Variants in WDR70 observed in about 807,000 individuals in gnomAD.
WDR70 encodes the protein WD repeat-containing protein 70.
WDR70 carries 53 observed loss-of-function variants against 88.6 expected under a neutral mutation model. The ratio of observed to expected loss-of-function variants is 0.60; its 90% CI spans 0.48 to 0.75. The LOEUF (loss-of-function observed/expected upper bound fraction) is 0.75. Ranked by LOEUF, WDR70 falls within the 30% of genes least tolerant of loss-of-function variation. The pLI is 0.00. For missense variants in WDR70, 610 were observed against 823.2 expected (o/e 0.74, Z 3.17); for synonymous variants, 280 against 270.0 (o/e 1.04, Z -0.36).
chr5:37,614,091 C>T (rs574610363), intron 10 of WDR70, among the ~76,000 whole-genome samples: 7 of 152,324 alleles, frequency 4.6e-5, no homozygotes, highest in Non-Finnish European at 7.3e-5. Flanking sequence ...TATTATCTTA[C>T]AATTCTATAG....
At position 37,726,959 on chromosome 5, in the gene WDR70, C is replaced by G; in HGVS notation, c.1791C>G (p.Thr597=). ...TGAAGAACATTGCTTTGGACAAGAC[C>G]GATGACAGTAATCCTCGGGAAGCCA... The part of the protein sequence containing the change: ...YIVKNIALDK[T]DDSNPREAIL... The change falls in exon 17 of 18, where the codon ACC becomes ACG. Residue 597 remains threonine, a synonymous_variant. Transcript: ENST00000265107. 2.5e-6 allele frequency: 4 copies of G among 1,612,004 alleles called. No homozygotes were observed. The highest frequency in any genetic ancestry group is 1.7e-5 in the Admixed American group (1 of 59,646).
chr5:37,497,756 T>C (rs778039517), intron 8 of WDR70, among the ~76,000 whole-genome samples: 13 of 152,194 alleles, frequency 8.5e-5, no homozygotes, highest in Admixed American at 6.5e-4. Flanking sequence ...AGAAATCCTT[T>C]GGATTTAAAT....
rs1469612541 is a variant in WDR70 at position 37,483,192 on chromosome 5, T to A, written c.840+3205T>A. ...TCACAGGACAATAGTGGAGGGAAGA[T>A]CAGCAGATAAACAAGTGAACAAAGG... is the stretch of plus-strand genomic sequence containing the variant. On this transcript the variant is annotated intron_variant, in intron 8 of 17. Transcript: ENST00000265107. Among the ~76,000 whole-genome samples, 34 of 149,068 alleles carry A rather than the reference T, an allele frequency of 2.3e-4. 1 individual carries two copies. The highest frequency in any genetic ancestry group is 1.5e-5 in the Non-Finnish European group (1 of 67,550).
intron 8 of WDR70, among the ~76,000 whole-genome samples, chr5:37,504,819 T>C (rs1199827445): frequency 6.6e-6 from 1 of 152,206 alleles, no homozygotes; most frequent in Admixed American, 6.5e-5. Context: ...TTGCCTCATG[T>C]TGATGAGTCT....
In WDR70 at chr5:37,392,043, A is replaced by G. The variant is rs756254541; in HGVS notation, c.219A>G (p.Leu73=). 7.5e-5 allele frequency: 121 copies of G among 1,612,364 alleles called. No homozygotes were observed. Among genetic ancestry groups the G allele is most frequent in the Non-Finnish European group, 9.9e-5 (117 of 1,179,452 alleles). Residue 73 remains leucine, a synonymous_variant, in exon 4 of 18, where the codon TTA becomes TTG. Transcript: ENST00000265107. ...KEEEMNREKE[L]RRQNEDIEPT... Reference sequence around the variant, plus strand: ...AAGAAATGAACAGAGAGAAAGAATTAAGAAGACAAAATGAAGATATTGAGC... The same window carrying G: ...AAGAAATGAACAGAGAGAAAGAATTGAGAAGACAAAATGAAGATATTGAGC...
chr5:37,682,536 T>C (rs973545172), intron 10 of WDR70, among the ~76,000 whole-genome samples: 1 of 152,162 alleles, frequency 6.6e-6, no homozygotes, highest in Non-Finnish European at 1.5e-5. Flanking sequence ...GTTGAGATCT[T>C]TCTAACTAAC....
At chr5:37,562,824 T>C (rs1232688991) in intron 9 of WDR70, among the ~76,000 whole-genome samples, 1 of 152,002 alleles carries the variant, frequency 6.6e-6, no homozygotes, top group African/African-American at 2.4e-5. Context: ...CAGAACAAAA[T>C]GAAAAGTCTC....
chr5:37,511,583 T>C (rs1270420180), intron 8 of WDR70, among the ~76,000 whole-genome samples: 3 of 152,192 alleles, frequency 2.0e-5, no homozygotes, highest in African/African-American at 7.2e-5. Flanking sequence ...TGTGTTAGTT[T>C]TGCTGGAATA....
intron 10 of WDR70, among the ~76,000 whole-genome samples, chr5:37,675,886 T>A (rs1746189391): frequency 6.6e-6 from 1 of 152,210 alleles, no homozygotes; most frequent in Non-Finnish European, 1.5e-5. Context: ...TTCTTCCATT[T>A]GTTTGTATCC....
chr5:37,639,643 A>G (rs1483764077), intron 10 of WDR70, among the ~76,000 whole-genome samples: 3 of 152,072 alleles, frequency 2.0e-5, no homozygotes, highest in Non-Finnish European at 4.4e-5. Flanking sequence ...TCTGTTTTGG[A>G]TAATAAGCTC....
At chr5:37,434,955 G>C (rs1750424502) in intron 5 of WDR70, among the ~76,000 whole-genome samples, 1 of 152,142 alleles carries the variant, frequency 6.6e-6, no homozygotes, top group South Asian at 2.1e-4. Flanking sequence ...TCTGGAAAAA[G>C]AACAGTCACC....
At chr5:37,637,839 G>A (rs1188559037) in intron 10 of WDR70, among the ~76,000 whole-genome samples, 1 of 152,220 alleles carries the variant, frequency 6.6e-6, no homozygotes, top group Non-Finnish European at 1.5e-5. Flanking sequence ...ATGCAACCTA[G>A]ATTTGGCCAA....
chr5:37,418,793 T>C (rs545127507), intron 5 of WDR70, among the ~76,000 whole-genome samples: 2 of 151,944 alleles, frequency 1.3e-5, no homozygotes, highest in East Asian at 3.9e-4. Flanking sequence ...TGGAGTCTCT[T>C]TGTCACTCAG....
chr5:37,675,714 C>T (rs547581581), intron 10 of WDR70, among the ~76,000 whole-genome samples: 1 of 152,218 alleles, frequency 6.6e-6, no homozygotes, highest in East Asian at 1.9e-4. Flanking sequence ...CTTGGCGATG[C>T]GAGTTCTGTT....
chr5:37,693,364 A>C (rs1746868937), intron 10 of WDR70, among the ~76,000 whole-genome samples: 1 of 152,222 alleles, frequency 6.6e-6, no homozygotes, highest in Non-Finnish European at 1.5e-5. Context: ...AAACTACTTT[A>C]AAGTTCATAT....
chr5:37,568,428 T>C (rs901976114), intron 9 of WDR70, among the ~76,000 whole-genome samples: 3 of 152,210 alleles, frequency 2.0e-5, no homozygotes, highest in East Asian at 1.9e-4. Context: ...GATTGTCTTA[T>C]TAACTTTCTC....
intron 10 of WDR70, among the ~76,000 whole-genome samples, chr5:37,665,124 G>A (rs147193611): frequency 1.4e-3 from 208 of 152,182 alleles, no homozygotes; most frequent in Non-Finnish European, 2.3e-3. Context: ...TTTCTCCTTG[G>A]CTTCTAATCT....
chr5:37,445,180 A>G (rs6860342), intron 7 of WDR70, among the ~76,000 whole-genome samples: 2,334 of 152,072 alleles, frequency 0.015, 52 homozygotes, highest in African/African-American at 0.053. Context: ...TAGCTGTTTC[A>G]CTGTTAGTGA....
chr5:37,612,462 T>A (rs1423617057), intron 10 of WDR70, among the ~76,000 whole-genome samples: 1 of 152,034 alleles, frequency 6.6e-6, no homozygotes, highest in African/African-American at 2.4e-5. Context: ...GAGGGCATGA[T>A]CCCCCCATGT....
Sources: allele counts gnomAD v4.1 joint callset (sites outside exome capture counted in the v4.1 genomes callset), GRCh38; gene constraint gnomAD v4.1.1; transcripts MANE v1.5; gene names NCBI Gene and HGNC (gene_info 2026-07-23, HGNC 2026-07-21).